The following RFLNA variants were observed in gnomAD, a reference collection of about 807,000 sequenced individuals.
The protein encoded by RFLNA is refilin-A.
RFLNA carries 5 observed loss-of-function variants against 7.8 expected under a neutral mutation model. The observed-to-expected ratio is 0.64, with a 90% CI of 0.34 to 1.35. The LOEUF (loss-of-function observed/expected upper bound fraction) is 1.35, where lower values mean the gene tolerates loss of function less well. RFLNA is among the 40% of genes most tolerant of loss of function. The pLI is 0.04. For synonymous variants in RFLNA, 141 were observed against 131.3 expected, an observed-to-expected ratio of 1.07 and a Z score of -0.50; for missense variants, 278 against 305.5, an observed-to-expected ratio of 0.91 and a Z score of 0.67.
chr12:124,294,378 G>A (rs1256036199), upstream of RFLNA, among the ~76,000 whole-genome samples: 1 of 152,196 alleles, frequency 6.6e-6, no homozygotes, highest in East Asian at 1.9e-4. Flanking sequence ...GAGTGGGGTG[G>A]GGGGCGTCTG....
intron 2 of RFLNA, among the ~76,000 whole-genome samples, chr12:124,313,980 T>C (rs181334168): frequency 1.6e-3 from 250 of 152,328 alleles, no homozygotes; most frequent in African/African-American, 5.7e-3. Context: ...GGGTCCTTCA[T>C]TGCGTTTAGC....
At chr12:124,301,604 A>G (rs1218837112) in intron 1 of RFLNA, among the ~76,000 whole-genome samples, 12 of 152,142 alleles carry the variant, frequency 7.9e-5, no homozygotes, top group Middle Eastern at 3.2e-3. Flanking sequence ...CTTGCAGCAA[A>G]TCCGGCCTTT....
chr12:124,300,118 A>T (rs1030395907), intron 1 of RFLNA, among the ~76,000 whole-genome samples: 1 of 152,142 alleles, frequency 6.6e-6, no homozygotes, highest in Non-Finnish European at 1.5e-5. Flanking sequence ...CAAGCAAAGG[A>T]CTCAGCCTGT....
At chr12:124,313,552 G>A (rs372800754) in intron 2 of RFLNA, among the ~76,000 whole-genome samples, 66 of 152,006 alleles carry the variant, frequency 4.3e-4, no homozygotes, top group African/African-American at 1.5e-3. Flanking sequence ...GGTGGCGGGC[G>A]CCTGTAGTCC....
intron 1 of RFLNA, among the ~76,000 whole-genome samples, chr12:124,296,126 C>CTTTTCTTTCTTTCTTTCTTTCTTTCTT (rs1566320083): frequency 6.6e-4 from 1 of 1,522 alleles, no homozygotes; most frequent in South Asian, 0.028. Flanking sequence ...CTTTCTTTCT[C>CTTTTCTTTCTTTCTTTCTTTCTTTCTT]TCTCTCTCTC....
rs1228023605 is a variant in RFLNA at position 124,306,572 on chromosome 12, C to T, written c.208-5246C>T. Among the ~76,000 whole-genome samples the T allele has an allele frequency of 1.3e-5, 2 of 152,146 alleles. No homozygotes were observed. Among genetic ancestry groups the T allele is most frequent in the Non-Finnish European group, 2.9e-5 (2 of 68,020 alleles). On this transcript the variant is annotated intron_variant, in intron 1 of 2. Coordinates refer to ENST00000546355, the MANE Select transcript of RFLNA (RefSeq NM_001365156.1). The surrounding 1 kb of genome is among the most constrained non-coding windows in gnomAD (Gnocchi z 5.2). ...CCGGGACCTGGAGCCGCACCAGCAG[C>T]GTTCCAGCCCTGACCTGCCTCTTCC... is the stretch of plus-strand genomic sequence containing the variant.
upstream of RFLNA, among the ~76,000 whole-genome samples, chr12:124,292,871 C>A (rs2033844342): frequency 6.6e-6 from 1 of 152,186 alleles, no homozygotes; most frequent in Non-Finnish European, 1.5e-5. Context: ...TATTTCGCTG[C>A]AATGTTTTAA....
chr12:124,300,758 G>T (rs1228963201), intron 1 of RFLNA, among the ~76,000 whole-genome samples: 32 of 139,662 alleles, frequency 2.3e-4, no homozygotes, highest in East Asian at 1.8e-3. Flanking sequence ...ATGGATGGAT[G>T]GATGGATGGA....
Position 124,297,816 on chromosome 12 carries a change from C to G in RFLNA, c.207+2180C>G, listed in dbSNP as rs186522129. Among the ~76,000 whole-genome samples, 1,086 of 152,354 alleles carry G rather than the reference C, an allele frequency of 7.1e-3. 11 individuals are homozygous for G. The highest frequency in any genetic ancestry group is 0.026 in the South Asian group (126 of 4,826). On this transcript the variant is annotated intron_variant, in intron 1 of 2. Transcript: ENST00000546355. ...CAGCTTTGGGGCTTGCCGCTGTGGC[C>G]ATGCCCACCCACCCATCGCCCACCC...
Position 124,314,296 on chromosome 12 carries a change from C to T in RFLNA, c.422C>T (p.Ala141Val). The T allele has an allele frequency of 6.2e-7, 1 of 1,613,552 alleles. No individual in the cohort carries two copies. Among genetic ancestry groups the T allele is most frequent in the Non-Finnish European group, 8.5e-7 (1 of 1,180,020 alleles). Residue 141 changes from alanine (A) to valine (V), a missense_variant, in exon 3 of 3, where the codon GCA becomes GTA. Ala to Val is a moderately conservative substitution (Grantham distance 64). Transcript: ENST00000546355. ...GCCTACAGCGAGACCATCGTGGCAG[C>T]ACCCAACTGCACGTGGCGCAACTAC... is the stretch of plus-strand genomic sequence containing the variant. ...VTAYSETIVAAPNCTWRNYRS... is the reference protein window; with the variant it reads ...VTAYSETIVAVPNCTWRNYRS...
intron 1 of RFLNA, among the ~76,000 whole-genome samples, chr12:124,309,315 G>C (rs1024267451): frequency 1.3e-5 from 2 of 152,190 alleles, no homozygotes; most frequent in African/African-American, 4.8e-5. Flanking sequence ...CAGCCCTCCT[G>C]ACAGTTGGAA....
chr12:124,311,806 C>A lies in RFLNA; in HGVS notation c.208-12C>A. 6.4e-7 allele frequency: 1 copy of A among 1,566,430 alleles called. No homozygotes were observed. On this transcript the variant is annotated splice_polypyrimidine_tract_variant and intron_variant, in intron 1 of 2. Transcript: ENST00000546355. ...GGGCTGCATAACCCCGTGTCCCTGG[C>A]TCTCCCCACAGCCCCCCTCCCAACT...
At chr12:124,310,192 A>AAAAAAAAAAAAAAAAAAAAAAAAAAAAC (rs1363625125) in intron 1 of RFLNA, among the ~76,000 whole-genome samples, 1 of 146,880 alleles carries the variant, frequency 6.8e-6, no homozygotes, top group Non-Finnish European at 1.5e-5. Context: ...AAAAAAAAAA[A>AAAAAAAAAAAAAAAAAAAAAAAAAAAAC]AAAAGCCTTT....
intron 1 of RFLNA, among the ~76,000 whole-genome samples, chr12:124,304,981 T>C (rs1279089971): frequency 6.6e-6 from 1 of 151,544 alleles, no homozygotes; most frequent in Non-Finnish European, 1.5e-5. Flanking sequence ...ATAACATCTT[T>C]TGGGGAGTGT....
chr12:124,313,427 C>T (rs1205950389), intron 2 of RFLNA, among the ~76,000 whole-genome samples: 1 of 152,150 alleles, frequency 6.6e-6, no homozygotes, highest in Admixed American at 6.5e-5. Flanking sequence ...GCCTGTAATC[C>T]CAGCACTTTG....
At chr12:124,308,118 A>G (rs2034169842) in intron 1 of RFLNA, among the ~76,000 whole-genome samples, 1 of 151,822 alleles carries the variant, frequency 6.6e-6, no homozygotes, top group South Asian at 2.1e-4. Flanking sequence ...AGTAGCTGGG[A>G]CTACAGGCGT....
chr12:124,303,735 C>T (rs941720704), intron 1 of RFLNA, among the ~76,000 whole-genome samples: 19 of 152,228 alleles, frequency 1.2e-4, no homozygotes, highest in Admixed American at 2.6e-4. Context: ...GGCACAGCCT[C>T]GTTTCACAGA....
chr12:124,293,665 C>T (rs1476155313), upstream of RFLNA, among the ~76,000 whole-genome samples: 2 of 152,168 alleles, frequency 1.3e-5, no homozygotes, highest in African/African-American at 2.4e-5. Flanking sequence ...AGCAGACTTC[C>T]AGCGTTCTTT....
rs138885318 is a variant in RFLNA, at chr12:124,314,448, C to T, written c.574C>T (p.Arg192Cys). Reference protein sequence around the residue: ...TLHCSLGRPSRWFTASVQLQL... With the variant: ...TLHCSLGRPSCWFTASVQLQL... ...GCACTGCAGCCTGGGCCGGCCCAGC[C>T]GCTGGTTCACCGCCAGCGTGCAGCT... The change falls in exon 3 of 3, where the codon CGC (arginine) becomes TGC (cysteine). Residue 192 changes from arginine (R) to cysteine (C), a missense_variant. Transcript: ENST00000546355. 1.4e-4 allele frequency: 222 copies of T among 1,601,688 alleles called. No individual in the cohort carries two copies. Among genetic ancestry groups the T allele is most frequent in the Admixed American group, 2.0e-4 (12 of 59,978 alleles).
Sources: allele counts gnomAD v4.1 joint callset (sites outside exome capture counted in the v4.1 genomes callset), GRCh38; gene constraint gnomAD v4.1.1; non-coding constraint Gnocchi (gnomAD v3.1); transcripts MANE v1.5; gene names NCBI Gene and HGNC (gene_info 2026-07-23, HGNC 2026-07-21).